The following KDM3B variants were observed in gnomAD, a reference collection of about 807,000 sequenced individuals.
KDM3B encodes lysine demethylase 3B.
A neutral mutation model predicts 170.0 loss-of-function variants in KDM3B; 10 were observed. The observed-to-expected ratio is 0.06, with a 90% CI of 0.04 to 0.10. KDM3B has a LOEUF of 0.10. KDM3B is among the 10% of genes least tolerant of loss of function. KDM3B has a pLI of 1.00. For synonymous variants in KDM3B, 831 were observed against 834.8 expected (o/e 1.00, Z 0.08); for missense variants, 1,394 against 2,195.2 (o/e 0.64, Z 7.29).
rs1763370282 is a variant in KDM3B at position 138,425,478 on chromosome 5, A to G, written c.4307A>G (p.Gln1436Arg). The change falls in exon 17 of 24, where the codon CAG becomes CGG. Residue 1436 changes from glutamine to arginine, a missense_variant. Around this residue, in one of 19 missense-constraint regions of KDM3B, gnomAD observed 66 missense variants for 178.8 expected, o/e 0.37. Transcript: ENST00000314358. The stretch of plus-strand genomic sequence containing the variant: ...CTCTGGAAGCCAGAAGCCTTTAGCC[A>G]GGAATTTGGAGACCAGGATGTAGAC... Reference protein sequence around the residue: ...SELWKPEAFSQEFGDQDVDLV... With the variant: ...SELWKPEAFSREFGDQDVDLV... The G allele has an allele frequency of 6.2e-7, 1 of 1,614,238 alleles. No homozygotes were observed. Among genetic ancestry groups the G allele is most frequent in the South Asian group, 1.1e-5 (1 of 91,082 alleles).
chr5:138,384,283 G>A (rs1275075899), intron 6 of KDM3B, among the ~76,000 whole-genome samples: 1 of 150,780 alleles, frequency 6.6e-6, no homozygotes, highest in South Asian at 2.1e-4. Context: ...ACAACACTTA[G>A]CAAACAGATA....
In KDM3B at chr5:138,431,329, T is replaced by G. The variant is rs1763526859; in HGVS notation, c.5071-96T>G. On this transcript the variant is annotated intron_variant, in intron 22 of 23. Coordinates refer to ENST00000314358, the MANE Select transcript of KDM3B (RefSeq NM_016604.4). Reference sequence around the variant, plus strand: ...ATAAAAATGGAAATATTATACCTATTTCTCAAGGGTTTTTTTAACTATATC... The same window carrying G: ...ATAAAAATGGAAATATTATACCTATGTCTCAAGGGTTTTTTTAACTATATC... 3 of 1,036,782 alleles carry G rather than the reference T, an allele frequency of 2.9e-6. No individual in the cohort carries two copies. The South Asian group carries it at 6.2e-5, about 21-fold the overall frequency. The allele number at this position is 1,036,782 out of a possible 1,614,324, so 64.2% of individuals were successfully genotyped here.
chr5:138,352,892 G>T lies in KDM3B; in HGVS notation c.97G>T (p.Ala33Ser). 1 of 1,376,212 alleles carries T rather than the reference G, an allele frequency of 7.3e-7. No individual in the cohort carries two copies. Among genetic ancestry groups the T allele is most frequent in the Non-Finnish European group, 9.4e-7 (1 of 1,062,418 alleles). 85.3% of individuals were successfully genotyped at this position (1,376,212 alleles called of 1,614,324 possible). The change falls in exon 1 of 24, where the codon GCG (alanine) becomes TCG (serine). Residue 33 changes from alanine to serine, a missense_variant. Ala to Ser is a moderately conservative substitution (Grantham distance 99, BLOSUM62 1). Coordinates refer to ENST00000314358, the MANE Select transcript of KDM3B (RefSeq NM_016604.4). ...SASASAPAAAAASGDPGPALR... is the reference protein window; with the variant it reads ...SASASAPAAASASGDPGPALR... Reference sequence around the variant, plus strand: ...CTCGGCCTCGGCTCCCGCGGCGGCAGCGGCGAGCGGAGATCCGGGGCCTGC... The same window carrying T: ...CTCGGCCTCGGCTCCCGCGGCGGCATCGGCGAGCGGAGATCCGGGGCCTGC...
chr5:138,387,284 C>T (rs1762294324), intron 7 of KDM3B, among the ~76,000 whole-genome samples: 1 of 152,106 alleles, frequency 6.6e-6, no homozygotes, highest in Admixed American at 6.6e-5. Context: ...TCCAAAATAT[C>T]AAAATCAGTA....
intron 15 of KDM3B, among the ~76,000 whole-genome samples, chr5:138,423,595 C>T (rs915367233): frequency 6.6e-6 from 1 of 152,296 alleles, no homozygotes; most frequent in African/African-American, 2.4e-5. Flanking sequence ...CACTCTGCTA[C>T]ACCCTTCATT....
chr5:138,352,835 C>T lies in KDM3B; in HGVS notation c.40C>T (p.Leu14=). The T allele has an allele frequency of 1.5e-6, 2 of 1,358,144 alleles. No individual in the cohort carries two copies. The highest frequency in any genetic ancestry group is 1.9e-6 in the Non-Finnish European group (2 of 1,052,132). 84.1% of individuals were successfully genotyped at this position (1,358,144 alleles called of 1,614,324 possible). The change falls in exon 1 of 24, where the codon CTG becomes TTG. Residue 14 remains leucine, a synonymous_variant. Coordinates refer to ENST00000314358, the MANE Select transcript of KDM3B (RefSeq NM_016604.4). Reference sequence around the variant, plus strand: ...GGCCTCCCCGGTGGGCAAGCGGCTGCTGCTGCTGTTCGCGGACACTGCGGC... The same window carrying T: ...GGCCTCCCCGGTGGGCAAGCGGCTGTTGCTGCTGTTCGCGGACACTGCGGC... ...AAASPVGKRL[L]LLFADTAASA...
intron 1 of KDM3B, among the ~76,000 whole-genome samples, chr5:138,365,040 T>C (rs1011807255): frequency 2.0e-5 from 3 of 152,232 alleles, no homozygotes; most frequent in Admixed American, 1.3e-4. Flanking sequence ...ATTCAACTCA[T>C]GCATCTTCGC....
chr5:138,408,273 C>T (rs1762874192), intron 11 of KDM3B, among the ~76,000 whole-genome samples: 1 of 151,984 alleles, frequency 6.6e-6, no homozygotes, highest in Non-Finnish European at 1.5e-5. Flanking sequence ...AAATCCAGCA[C>T]ATCTGCCACC....
At chr5:138,375,931 C>T (rs1761987564) in intron 3 of KDM3B, among the ~76,000 whole-genome samples, 1 of 152,194 alleles carries the variant, frequency 6.6e-6, no homozygotes, top group Admixed American at 6.5e-5. Context: ...CCTGCCTTGG[C>T]CTCCCAAAGT....
At chr5:138,416,824 A>T (rs890088437) in intron 12 of KDM3B, among the ~76,000 whole-genome samples, 1 of 151,854 alleles carries the variant, frequency 6.6e-6, no homozygotes, top group Non-Finnish European at 1.5e-5. Context: ...ACAATTCCAA[A>T]TGTTTACACT....
chr5:138,398,024 A>G (rs1373180038), intron 9 of KDM3B, 154 bp from the exon 10 acceptor site: 6 of 600,116 alleles, frequency 1.0e-5, no homozygotes, highest in South Asian at 2.1e-5. Context: ...AAGCTTTACT[A>G]TTAGCAGAGA....
chr5:138,432,316 G>A (rs547125713), intron 23 of KDM3B, among the ~76,000 whole-genome samples: 27 of 152,322 alleles, frequency 1.8e-4, no homozygotes, highest in African/African-American at 6.0e-4. Context: ...CCCTTGTAGA[G>A]CAGAGCTGAA....
At chr5:138,360,161 A>G (rs1761559877) in intron 1 of KDM3B, among the ~76,000 whole-genome samples, 2 of 152,200 alleles carry the variant, frequency 1.3e-5, no homozygotes, top group Admixed American at 1.3e-4. Context: ...CCTATGGTCA[A>G]ACATAGAATT....
chr5:138,381,809 C>G (rs896516727), intron 6 of KDM3B: 1 of 481,058 alleles, frequency 2.1e-6, no homozygotes, highest in Non-Finnish European at 3.7e-6. Flanking sequence ...TGACTATGTT[C>G]CCTAGTTCTT....
chr5:138,431,575 C>T lies in KDM3B; in HGVS notation c.5205+16C>T. The T allele has an allele frequency of 1.3e-6, 2 of 1,580,240 alleles. No individual in the cohort carries two copies. The highest frequency in any genetic ancestry group is 1.7e-6 in the Non-Finnish European group (2 of 1,165,108). ...TAAACTGCAGGTAAATAACTCCTCC[C>T]TCTACCCCACTCTGTCTTCTCATTG... On this transcript the variant is annotated intron_variant, in intron 23 of 23. Transcript: ENST00000314358.
At chr5:138,420,638 T>A in intron 14 of KDM3B, 68 bp from the exon 15 acceptor site, 1 of 1,536,956 alleles carries the variant, frequency 6.5e-7, no homozygotes, top group Non-Finnish European at 8.9e-7. Context: ...TGACTGATTT[T>A]TAGGAGTCAG....
chr5:138,432,776 C>G (rs528744282), intron 23 of KDM3B, among the ~76,000 whole-genome samples: 2 of 152,204 alleles, frequency 1.3e-5, no homozygotes, highest in East Asian at 3.9e-4. Flanking sequence ...GTTGATAGAT[C>G]AGATTGAAGA....
intron 11 of KDM3B, among the ~76,000 whole-genome samples, chr5:138,411,210 C>G (rs1244687410): frequency 1.3e-5 from 2 of 152,236 alleles, no homozygotes; most frequent in Non-Finnish European, 2.9e-5. Context: ...AAGGAGCCCT[C>G]TGGTGGCCCT....
chr5:138,398,128 G>A (rs1762592602), intron 9 of KDM3B, 50 bp from the exon 10 acceptor site: 2 of 1,395,556 alleles, frequency 1.4e-6, no homozygotes, highest in Non-Finnish European at 2.0e-6. Flanking sequence ...TTAGGTGTGT[G>A]TTAGTTTGCG....
Sources: gnomAD v4.1 joint callset for allele counts (sites outside exome capture counted in the v4.1 genomes callset) on GRCh38, gnomAD v4.1.1 for gene constraint, gnomAD v4.1.1 regional missense constraint, MANE v1.5 for transcripts, NCBI Gene and HGNC (gene_info 2026-07-23, HGNC 2026-07-21) for gene names.